Variants in CAMTA2 observed in about 807,000 individuals in gnomAD.
The protein encoded by CAMTA2 is calmodulin binding transcription activator 2.
A neutral mutation model predicts 135.7 loss-of-function variants in CAMTA2; 56 were observed. That is an observed-to-expected ratio of 0.41 (90% CI 0.33 to 0.52). The LOEUF is 0.52. Among genes scored for constraint, CAMTA2 ranks in the 20% least tolerant of loss-of-function variants. CAMTA2 has a pLI of 0.16. For missense variants in CAMTA2, 1,358 were observed against 1,553.4 expected, an observed-to-expected ratio of 0.87 and a Z score of 2.11; for synonymous variants, 591 against 604.6, an observed-to-expected ratio of 0.98 and a Z score of 0.33.
At position 4,972,751 on chromosome 17, in the gene CAMTA2, G is replaced by C; in HGVS notation, c.2503+18C>G. ...CCTACCTACATCCCTCTCTCCAAAA[G>C]ATTAGGGCCACCCTCACCAGTGTCT... is the stretch of plus-strand genomic sequence containing the variant. On this transcript the variant is annotated intron_variant, in intron 15 of 22. Coordinates refer to ENST00000348066, the MANE Select transcript of CAMTA2 (RefSeq NM_015099.4). The C allele has an allele frequency of 6.2e-7, 1 of 1,608,926 alleles. No homozygotes were observed. Among genetic ancestry groups the C allele is most frequent in the Non-Finnish European group, 8.5e-7 (1 of 1,175,714 alleles).
In CAMTA2 at chr17:4,981,258, G is replaced by A; in HGVS notation, c.667C>T (p.Arg223Ter). 6.2e-7 allele frequency: 1 copy of A among 1,614,042 alleles called. No homozygotes were observed. The highest frequency in any genetic ancestry group is 8.5e-7 in the Non-Finnish European group (1 of 1,180,012). Residue 223 changes from arginine to a stop codon, truncating the protein, a stop_gained, in exon 8 of 23, where the codon CGA (arginine) becomes TGA (stop). Transcript: ENST00000348066. LOFTEE classifies it high-confidence loss of function. The stretch of plus-strand genomic sequence containing the variant: ...CCACTGCAGAGACAGGCGTGGGTTC[G>A]GGGAGCAGGCTTGGTTGGGTGGGTG... ...LDTHPTKPAP[R>*]THACLCSGGL...
intron 15 of CAMTA2, 55 bp from the exon 16 acceptor site, chr17:4,972,591 C>A: frequency 1.3e-6 from 2 of 1,554,816 alleles, no homozygotes; most frequent in East Asian, 2.3e-5. Context: ...ATCCCTCGCT[C>A]AAGTCTCCTG....
rs761448128 is a variant in CAMTA2, at chr17:4,987,649, C to G, written c.-121G>C. On this transcript the variant is annotated 5_prime_UTR_variant, in exon 1 of 23. Transcript: ENST00000348066. ...GGCCATTCTACCCCACACCGACCCC[C>G]CCCAGCGCCGGCTGACAGCGGCGTC... 3 of 1,522,310 alleles carry G rather than the reference C, an allele frequency of 2.0e-6. No homozygotes were observed. Among genetic ancestry groups the G allele is most frequent in the East Asian group, 2.6e-5 (1 of 39,146 alleles). The allele number at this position is 1,522,310 out of a possible 1,614,324, so 94.3% of individuals were successfully genotyped here. A position where few individuals can be genotyped will look rare whatever the true frequency, so the allele number is the denominator to read the frequency against.
chr17:4,986,835 TG>T, intron 1 of CAMTA2: 1 of 788,422 alleles, frequency 1.3e-6, no homozygotes, highest in Non-Finnish European at 2.1e-6. Context: ...TGATAGAATC[TG>T]GGCCAGACAC....
At chr17:4,970,274 G>C in intron 17 of CAMTA2, 66 bp downstream of exon 17, 1 of 1,571,612 alleles carries the variant, frequency 6.4e-7, no homozygotes. Context: ...CTGTGGGAAA[G>C]CCAGCTTTCT....
chr17:4,974,531 G>T, intron 11 of CAMTA2, 31 bp from the exon 12 acceptor site: 2 of 1,384,980 alleles, frequency 1.4e-6, no homozygotes, highest in Non-Finnish European at 2.1e-6. Context: ...GAGGCTGAGT[G>T]GGCAGTCTAG....
chr17:4,981,329 C>T lies in CAMTA2; in HGVS notation c.596G>A (p.Gly199Glu). Residue 199 changes from glycine to glutamate, a missense_variant, in exon 8 of 23, where the codon GGA becomes GAA. Coordinates refer to ENST00000348066, the MANE Select transcript of CAMTA2 (RefSeq NM_015099.4). ...GTGTTCTACAGAGAACTCTTCTGTT[C>T]CATTCCCGCAGCTCCACTTGATGCC... ...FHGIKWSCGN[G>E]TEEFSVEHLV... is the part of the protein sequence containing the mutation. The T allele has an allele frequency of 6.2e-7, 1 of 1,614,114 alleles. No individual in the cohort carries two copies. Among genetic ancestry groups the T allele is most frequent in the Non-Finnish European group, 8.5e-7 (1 of 1,179,984 alleles).
Position 4,986,263 on chromosome 17 carries a change from G to T in CAMTA2, c.-41C>A. 3 of 1,532,636 alleles carry T rather than the reference G, an allele frequency of 2.0e-6. No homozygotes were observed. The highest frequency in any genetic ancestry group is 2.7e-6 in the Non-Finnish European group (3 of 1,116,046). The allele number at this position is 1,532,636 out of a possible 1,614,324, so 94.9% of individuals were successfully genotyped here. A position where few individuals can be genotyped will look rare whatever the true frequency, so the allele number is the denominator to read the frequency against. ...GGGCAAGGTCACCCCCGGCCTGAGG[G>T]GCCGGGGGGAGGGGGAGTCTGTGCT... On this transcript the variant is annotated 5_prime_UTR_variant, in exon 2 of 23. Coordinates refer to ENST00000348066, the MANE Select transcript of CAMTA2 (RefSeq NM_015099.4).
chr17:4,970,285 CCCTT>C, intron 17 of CAMTA2, 51 bp downstream of exon 17: 1 of 1,589,658 alleles, frequency 6.3e-7, no homozygotes, highest in Non-Finnish European at 8.6e-7. Flanking sequence ...CCAGCTTTCT[CCCTT>C]CCTCCCATCT....
At chr17:4,983,191 C>T (rs963883561) in intron 3 of CAMTA2, 148 bp from the exon 4 acceptor site, 30 of 676,190 alleles carry the variant, frequency 4.4e-5, no homozygotes, top group Non-Finnish European at 7.9e-5. Context: ...GCAAGACCCA[C>T]TGCCCTCCTA....
chr17:4,979,591 T>C, intron 9 of CAMTA2, 93 bp downstream of exon 9: 1 of 816,834 alleles, frequency 1.2e-6, no homozygotes, highest in Non-Finnish European at 1.9e-6. Flanking sequence ...GGAAACTAGG[T>C]CACAGACCAC....
In CAMTA2 at chr17:4,979,744, G is replaced by T; in HGVS notation, c.1578C>A (p.Pro526=). The change falls in exon 9 of 23, where the codon CCC becomes CCA. Residue 526 remains proline (P), a synonymous_variant. Coordinates refer to ENST00000348066, the MANE Select transcript of CAMTA2 (RefSeq NM_015099.4). ...TGGTGCTAAGAGCAGGAGACAGCTG[G>T]GGGGTCGGAGCAGGGATGCTTGGAG... The part of the protein sequence containing the change: ...DEAPSIPAPT[P]QLSPALSTIT... 2 of 1,614,106 alleles carry T rather than the reference G, an allele frequency of 1.2e-6. No homozygotes were observed. The highest frequency in any genetic ancestry group is 1.1e-5 in the South Asian group (1 of 91,082).
At chr17:4,985,769 G>A (rs1973239358) in intron 3 of CAMTA2, 111 bp downstream of exon 3, 1 of 739,962 alleles carries the variant, frequency 1.4e-6, no homozygotes, top group East Asian at 2.5e-5. Flanking sequence ...AAAGAGCTTA[G>A]AATGGTGCTC....
chr17:4,974,304 G>A (rs1451581782), intron 12 of CAMTA2, 81 bp downstream of exon 12: 2 of 878,700 alleles, frequency 2.3e-6, no homozygotes, highest in African/African-American at 3.3e-5. Flanking sequence ...AGGGAGGAGA[G>A]TCATGGGCAC....
chr17:4,985,506 C>A (rs554569696), intron 3 of CAMTA2, among the ~76,000 whole-genome samples: 11 of 152,318 alleles, frequency 7.2e-5, no homozygotes, highest in Non-Finnish European at 1.6e-4. Flanking sequence ...TCACTGCAGC[C>A]TCCGCCTCCC....
rs769198071 is a variant in CAMTA2 at position 4,979,949 on chromosome 17, G to T, written c.1373C>A (p.Ala458Asp). The change falls in exon 9 of 23, where the codon GCT becomes GAT. Residue 458 changes from alanine to aspartate, a missense_variant. This residue lies in a region of CAMTA2 where 1,077 missense variants were observed against 1,127.5 expected (regional missense o/e 0.96). Transcript: ENST00000348066. Reference protein sequence around the residue: ...DSGEELKGHGAAPPIPSPPPS... With the variant: ...DSGEELKGHGDAPPIPSPPPS... ...AGGGGGTGAAGGTATGGGTGGGGCA[G>T]CCCCGTGACCCTTGAGCTCCTCCCC... The T allele has an allele frequency of 6.2e-7, 1 of 1,612,940 alleles. No individual in the cohort carries two copies. The highest frequency in any genetic ancestry group is 1.7e-5 in the Admixed American group (1 of 59,982).
In CAMTA2 at chr17:4,969,579, G is replaced by A; in HGVS notation, c.3261+51C>T. The A allele has an allele frequency of 6.2e-7, 1 of 1,613,420 alleles. No individual in the cohort carries two copies. The highest frequency in any genetic ancestry group is 8.5e-7 in the Non-Finnish European group (1 of 1,179,350). On this transcript the variant is annotated intron_variant, in intron 19 of 22. Transcript: ENST00000348066. The surrounding 1 kb of genome is among the most constrained non-coding windows in gnomAD (Gnocchi z 5.6). Reference sequence around the variant, plus strand: ...CAACATTCTGGAATGGTTAGGCGTGGGTGTGGGTTGGTGGGTTGCTGGTTA... The same window carrying A: ...CAACATTCTGGAATGGTTAGGCGTGAGTGTGGGTTGGTGGGTTGCTGGTTA...
Position 4,979,687 on chromosome 17 carries a change from T to TG in CAMTA2, c.1634dup (p.Glu546ArgfsTer24). 6.2e-7 allele frequency: 1 copy of TG among 1,609,292 alleles called. No homozygotes were observed. Among genetic ancestry groups the TG allele is most frequent in the Non-Finnish European group, 8.5e-7 (1 of 1,176,636 alleles). On this transcript the variant is annotated frameshift_variant, in exon 9 of 23. Transcript: ENST00000348066. LOFTEE classifies it high-confidence loss of function. ...AGGAGGTAAGCCTGAGTCTCACCTC[T>TG]GGGTAGGACCACTCTGGGGAGAAGT...
At chr17:4,971,161 C>T (rs1217487124) in intron 16 of CAMTA2, among the ~76,000 whole-genome samples, 1 of 152,204 alleles carries the variant, frequency 6.6e-6, no homozygotes, top group East Asian at 1.9e-4. Context: ...TTTCATTCCA[C>T]AAGACTTTCT....
Sources: allele counts gnomAD v4.1 joint callset (sites outside exome capture counted in the v4.1 genomes callset), GRCh38; gene constraint gnomAD v4.1.1; regional missense constraint gnomAD v4.1.1; non-coding constraint Gnocchi (gnomAD v3.1); transcripts MANE v1.5; gene names NCBI Gene and HGNC (gene_info 2026-07-23, HGNC 2026-07-21).